CAPN2: variants seen among roughly 807,000 people sequenced by gnomAD.
The protein encoded by CAPN2 is calpain 2.
A neutral mutation model predicts 102.3 loss-of-function variants in CAPN2; 92 were observed. The ratio of observed to expected loss-of-function variants is 0.90; its 90% CI spans 0.76 to 1.07. CAPN2 has a LOEUF of 1.07. CAPN2 is among the 50% of genes least tolerant of loss of function. The pLI, the probability that CAPN2 is intolerant of heterozygous loss-of-function variation, is 0.00. For missense variants in CAPN2, 800 were observed against 909.4 expected, an observed-to-expected ratio of 0.88 and a Z score of 1.55; for synonymous variants, 340 against 355.4, an observed-to-expected ratio of 0.96 and a Z score of 0.49.
At chr1:223,705,826 C>T (rs1172083826) in intron 1 of CAPN2, among the ~76,000 whole-genome samples, 2 of 152,226 alleles carry the variant, frequency 1.3e-5, no homozygotes, top group Non-Finnish European at 2.9e-5. Flanking sequence ...ACAATGATAG[C>T]ATCTAAGGTT....
Position 223,702,079 on chromosome 1 carries a change from G to A in CAPN2, c.3+248G>A, listed in dbSNP as rs1352682859. ...GAAGGAAGGAAGGGAGGGAGGGAGG[G>A]AGGGAGGGAGGGAGGAAAGAAGGAA... On this transcript the variant is annotated intron_variant, in intron 1 of 20. Transcript: ENST00000433674. Among the ~76,000 whole-genome samples the A allele has an allele frequency of 8.4e-4, 17 of 20,188 alleles. 2 individuals are homozygous for A. Among genetic ancestry groups the A allele is most frequent in the African/African-American group, 2.4e-3 (14 of 5,922 alleles). The allele number at this position is 20,188 out of a possible 152,430, so 13.2% of individuals were successfully genotyped here.
At position 223,752,015 on chromosome 1, in the gene CAPN2, T is replaced by C. The variant is rs201171878; in HGVS notation, c.918T>C (p.Thr306=). The C allele has an allele frequency of 2.8e-5, 45 of 1,612,298 alleles. No homozygotes were observed. Among genetic ancestry groups the C allele is most frequent in the Admixed American group, 5.0e-5 (3 of 59,876 alleles). The change falls in exon 8 of 21, where the codon ACT becomes ACC. Residue 306 remains threonine (T), a synonymous_variant. Coordinates refer to ENST00000295006, the MANE Select transcript of CAPN2 (RefSeq NM_001748.5). ...TTTCCAGCTGCCCAAGCTGGAACACTATAGACCCAGAGGAGAGGGAAAGGC... is the reference window on the plus strand; with the variant it reads ...TTTCCAGCTGCCCAAGCTGGAACACCATAGACCCAGAGGAGAGGGAAAGGC... ...RWNDNCPSWN[T]IDPEERERLT...
intron 14 of CAPN2, among the ~76,000 whole-genome samples, chr1:223,763,823 C>A (rs975341544): frequency 2.0e-5 from 3 of 152,126 alleles, no homozygotes; most frequent in Non-Finnish European, 4.4e-5. Context: ...ACCTGTAATC[C>A]CAGCACTTTG....
rs1660178352 is a variant in CAPN2 at position 223,725,884 on chromosome 1, G to A, written c.307+8053G>A. ...GTTTCCACTCACCCATCTGCGAAAT[G>A]GGAACAATGACGATGTTTGCGTCCT... On this transcript the variant is annotated intron_variant, in intron 2 of 20. Transcript: ENST00000295006. The surrounding 1 kb of genome is among the most constrained non-coding windows in gnomAD (Gnocchi z 4.1). Among the ~76,000 whole-genome samples, 1 of 152,156 alleles carries A rather than the reference G, an allele frequency of 6.6e-6. No individual in the cohort carries two copies. The highest frequency in any genetic ancestry group is 6.5e-5 in the Admixed American group (1 of 15,278).
intron 16 of CAPN2, among the ~76,000 whole-genome samples, chr1:223,767,024 C>G (rs1015985564): frequency 6.6e-6 from 1 of 151,508 alleles, no homozygotes; most frequent in Non-Finnish European, 1.5e-5. Flanking sequence ...GCGGGAAATT[C>G]CTGACAATAT....
At chr1:223,702,024 G>GGGAC (rs2102763565) in intron 1 of CAPN2, among the ~76,000 whole-genome samples, 1 of 53,106 alleles carries the variant, frequency 1.9e-5, no homozygotes, top group African/African-American at 4.7e-5. Flanking sequence ...AAAAAAGAGA[G>GGGAC]GGAAGGAAGG....
At position 223,769,851 on chromosome 1, in the gene CAPN2, G is replaced by GT. The variant is rs1215957490; in HGVS notation, c.1767dup (p.Gly590TrpfsTer28). 6.2e-7 allele frequency: 1 copy of GT among 1,609,020 alleles called. No homozygotes were observed. Among genetic ancestry groups the GT allele is most frequent in the Non-Finnish European group, 8.5e-7 (1 of 1,177,552 alleles). ...CTTGACTGAAGGCAGTCGGACGGGA[G>GT]TGGCAAGCTGGGGCTGAAGGAGTTC... is the stretch of plus-strand genomic sequence containing the variant. On this transcript the variant is annotated frameshift_variant, in exon 17 of 21. Coordinates refer to ENST00000295006, the MANE Select transcript of CAPN2 (RefSeq NM_001748.5). LOFTEE classifies it high-confidence loss of function.
rs1259406894 is a variant in CAPN2, at chr1:223,726,478, G to A, written c.307+8647G>A. ...ACAAAAACGACAAAACATGCAACAGGTTATGTCCTTCTGGTCCAGGGCACG... is the reference window on the plus strand; with the variant it reads ...ACAAAAACGACAAAACATGCAACAGATTATGTCCTTCTGGTCCAGGGCACG... On this transcript the variant is annotated intron_variant, in intron 2 of 20. Coordinates refer to ENST00000295006, the MANE Select transcript of CAPN2 (RefSeq NM_001748.5). This position sits in a 1 kb window ranked among gnomAD's most constrained non-coding sequence, Gnocchi z 4.4. 6.6e-6 allele frequency among the ~76,000 whole-genome samples: 1 copy of A among 152,204 alleles called. No individual in the cohort carries two copies. Among genetic ancestry groups the A allele is most frequent in the Admixed American group, 6.5e-5 (1 of 15,286 alleles).
In CAPN2 at chr1:223,747,202, T is replaced by G. The variant is rs200782046; in HGVS notation, c.729+37T>G. ...CTGCCTTCCCTAGCCTCACCCCATC[T>G]GCTCTTGCTGAAGGGAGGCTCCCAC... On this transcript the variant is annotated intron_variant, in intron 5 of 20. Coordinates refer to ENST00000295006, the MANE Select transcript of CAPN2 (RefSeq NM_001748.5). 5.8e-5 allele frequency: 91 copies of G among 1,557,336 alleles called. No homozygotes were observed. The Admixed American group carries it at 1.4e-3, about 25-fold the overall frequency.
upstream of CAPN2, among the ~76,000 whole-genome samples, chr1:223,711,764 C>T (rs1659733819): frequency 2.0e-5 from 3 of 152,148 alleles, no homozygotes; most frequent in Admixed American, 1.3e-4. Flanking sequence ...GTGCCTGCCA[C>T]GACGTATTTT....
intron 17 of CAPN2, 80 bp from the exon 18 acceptor site, chr1:223,770,367 C>A: frequency 1.1e-6 from 1 of 882,034 alleles, no homozygotes; most frequent in Non-Finnish European, 1.9e-6. Flanking sequence ...AAACTTCATC[C>A]CCACTCAGCA....
In CAPN2 at chr1:223,747,097, C is replaced by G; in HGVS notation, c.661C>G (p.Pro221Ala). 3 of 1,613,984 alleles carry G rather than the reference C, an allele frequency of 1.9e-6. No individual in the cohort carries two copies. Among genetic ancestry groups the G allele is most frequent in the Non-Finnish European group, 2.5e-6 (3 of 1,179,956 alleles). ...TGAGTGGTATGAGTTGAAGAAGCCCCCTCCCAACCTGTTCAAGATCATCCA... is the reference window on the plus strand; with the variant it reads ...TGAGTGGTATGAGTTGAAGAAGCCCGCTCCCAACCTGTTCAAGATCATCCA... ...IAEWYELKKP[P>A]PNLFKIIQKA... is the part of the protein sequence containing the mutation. Residue 221 changes from proline (P) to alanine (A), a missense_variant, in exon 5 of 21, where the codon CCT becomes GCT. Coordinates refer to ENST00000295006, the MANE Select transcript of CAPN2 (RefSeq NM_001748.5).
At chr1:223,719,651 C>T (rs1659995860) in intron 2 of CAPN2, among the ~76,000 whole-genome samples, 1 of 152,140 alleles carries the variant, frequency 6.6e-6, no homozygotes, top group Non-Finnish European at 1.5e-5. Flanking sequence ...TGATTTAAGT[C>T]CTGTGTAAAT....
chr1:223,749,104 G>T lies in CAPN2; in HGVS notation c.795G>T (p.Ser265=), dbSNP rs777705012. 1.2e-6 allele frequency: 2 copies of T among 1,613,920 alleles called. No homozygotes were observed. Among genetic ancestry groups the T allele is most frequent in the Non-Finnish European group, 8.5e-7 (1 of 1,179,914 alleles). The part of the protein sequence containing the change: ...FQKLVKGHAY[S]VTGAEEVESN... ...AGCTGGTGAAGGGGCACGCGTACTC[G>T]GTCACCGGAGCCGAGGAGGTAACGG... The change falls in exon 6 of 21, where the codon TCG becomes TCT. Residue 265 remains serine, a synonymous_variant. Coordinates refer to ENST00000295006, the MANE Select transcript of CAPN2 (RefSeq NM_001748.5).
upstream of CAPN2, among the ~76,000 whole-genome samples, chr1:223,707,762 G>T (rs1244895057): frequency 6.6e-6 from 1 of 152,184 alleles, no homozygotes; most frequent in Non-Finnish European, 1.5e-5. Context: ...GAGCCAGGAG[G>T]CTCTTCTGCT....
intron 7 of CAPN2, among the ~76,000 whole-genome samples, chr1:223,751,647 A>C (rs1050774349): frequency 3.4e-5 from 5 of 146,984 alleles, no homozygotes; most frequent in Non-Finnish European, 7.4e-5. Context: ...TCAGATCTTC[A>C]GTTGTCTCTA....
chr1:223,749,564 C>A, intron 6 of CAPN2: 1 of 179,828 alleles, frequency 5.6e-6, no homozygotes, highest in South Asian at 1.5e-4. Context: ...AACTCTCTGT[C>A]CCTTAGTTTC....
At chr1:223,710,282 A>C (rs1659701432), upstream of CAPN2, among the ~76,000 whole-genome samples, 1 of 152,078 alleles carries the variant, frequency 6.6e-6, no homozygotes, top group Non-Finnish European at 1.5e-5. Flanking sequence ...GCTACATCTC[A>C]AGAAAAACAA....
intron 1 of CAPN2, among the ~76,000 whole-genome samples, chr1:223,705,269 G>A (rs1207640734): frequency 6.6e-6 from 1 of 152,214 alleles, no homozygotes; most frequent in Non-Finnish European, 1.5e-5. Flanking sequence ...TCACAATTTA[G>A]ACAAGCACTG....
Sources: allele counts gnomAD v4.1 joint callset (sites outside exome capture counted in the v4.1 genomes callset), GRCh38; gene constraint gnomAD v4.1.1; non-coding constraint Gnocchi (gnomAD v3.1); transcripts MANE v1.5; gene names NCBI Gene and HGNC (gene_info 2026-07-23, HGNC 2026-07-21).